MRPL37: variants seen among roughly 807,000 people sequenced by gnomAD.
MRPL37 encodes mitochondrial ribosomal protein L37, also known as large ribosomal subunit protein mL37.
A neutral mutation model predicts 44.1 loss-of-function variants in MRPL37; 34 were observed. The observed-to-expected ratio is 0.77, with a 90% confidence interval of 0.59 to 1.03. The LOEUF is 1.03. Ranked by LOEUF, MRPL37 falls within the 50% of genes least tolerant of loss-of-function variation. MRPL37 has a pLI of 0.00. For synonymous variants in MRPL37, 212 were observed against 219.5 expected (o/e 0.97, Z 0.30); for missense variants, 532 against 543.7 (o/e 0.98, Z 0.21).
At chr1:54,221,046 C>T (rs1267374184), downstream of MRPL37, 3 of 353,142 alleles carry the variant, frequency 8.5e-6, no homozygotes, top group East Asian at 7.8e-5. Context: ...TCCACTTCCT[C>T]GCTGGCAAAA....
rs193102610 is a variant in MRPL37, at chr1:54,216,749, C to G, written c.1194+405C>G. On this transcript the variant is annotated intron_variant, in intron 6 of 6. Coordinates refer to ENST00000360840, the MANE Select transcript of MRPL37 (RefSeq NM_016491.4). ...TTTCTTATTTTGGGAAACTTCTGACCACCACCGTCCCCATCCCAACCCTCA... is the reference window on the plus strand; with the variant it reads ...TTTCTTATTTTGGGAAACTTCTGACGACCACCGTCCCCATCCCAACCCTCA... Among the ~76,000 whole-genome samples, 72 of 152,270 alleles carry G rather than the reference C, an allele frequency of 4.7e-4. 1 individual carries two copies. The highest frequency in any genetic ancestry group is 1.7e-3 in the African/African-American group (71 of 41,534).
chr1:54,212,802 T>C, intron 5 of MRPL37, 144 bp downstream of exon 5: 1 of 1,155,176 alleles, frequency 8.7e-7, no homozygotes, highest in Non-Finnish European at 1.2e-6. Flanking sequence ...CAGCCCACCC[T>C]GTGGAGATGA....
chr1:54,214,972 T>G lies in MRPL37; in HGVS notation c.991-1169T>G, dbSNP rs530259193. On this transcript the variant is annotated intron_variant, in intron 5 of 6. Coordinates refer to ENST00000360840, the MANE Select transcript of MRPL37 (RefSeq NM_016491.4). ...TGTGGCCCACACTGAGGTCTGACAT[T>G]AGGTATTCCTAATGCCAGATTCAGC... 6.6e-5 allele frequency among the ~76,000 whole-genome samples: 10 copies of G among 152,262 alleles called. No homozygotes were observed. The South Asian group carries it at 8.3e-4, about 13-fold the overall frequency.
chr1:54,219,352 C>T (rs944266664), downstream of MRPL37, among the ~76,000 whole-genome samples: 10 of 152,220 alleles, frequency 6.6e-5, no homozygotes, highest in African/African-American at 2.4e-4. Context: ...GGCAAAGTGG[C>T]GTCCAGCCTG....
rs545055756 is a variant in MRPL37 at position 54,214,120 on chromosome 1, C to T, written c.990+1462C>T. Among the ~76,000 whole-genome samples the T allele has an allele frequency of 7.2e-5, 11 of 152,260 alleles. No homozygotes were observed. In the East Asian group the frequency reaches 2.1e-3, roughly 29 times the overall value. The stretch of plus-strand genomic sequence containing the variant: ...GTTGCTTTAACCCAGGAGGCGGAGG[C>T]TGCAGTGAGCTGAAAGATTGCACCA... On this transcript the variant is annotated intron_variant, in intron 5 of 6. Coordinates refer to ENST00000360840, the MANE Select transcript of MRPL37 (RefSeq NM_016491.4).
At chr1:54,208,408 G>A (rs887975399) in intron 3 of MRPL37, among the ~76,000 whole-genome samples, 1 of 152,032 alleles carries the variant, frequency 6.6e-6, no homozygotes, top group African/African-American at 2.4e-5. Context: ...AATTAGCCGG[G>A]CATGGTGATG....
chr1:54,211,807 C>A (rs1644167506), intron 4 of MRPL37, among the ~76,000 whole-genome samples: 1 of 152,198 alleles, frequency 6.6e-6, no homozygotes, highest in Non-Finnish European at 1.5e-5. Flanking sequence ...CGACGTCTTT[C>A]TTTCTTCTTT....
At chr1:54,220,062 T>G (rs1644222544), downstream of MRPL37, among the ~76,000 whole-genome samples, 1 of 143,116 alleles carries the variant, frequency 7.0e-6, no homozygotes, top group South Asian at 2.2e-4. Context: ...GAGTCAAACG[T>G]TTTTTTTTTT....
In MRPL37 at chr1:54,210,115, T is replaced by C. The variant is rs988548513; in HGVS notation, c.816T>C (p.Asp272=). 1.9e-6 allele frequency: 3 copies of C among 1,613,802 alleles called. No homozygotes were observed. The highest frequency in any genetic ancestry group is 2.5e-6 in the Non-Finnish European group (3 of 1,179,880). The part of the protein sequence containing the change: ...IIDLHECNIY[D]VKNDTGFQEG... ...ATCTTCATGAATGCAATATTTATGA[T>C]GTGAAAAATGACACAGGTAAGGATC... is the stretch of plus-strand genomic sequence containing the variant. The change falls in exon 4 of 7, where the codon GAT becomes GAC. Residue 272 remains aspartate (D), a synonymous_variant. Coordinates refer to ENST00000360840, the MANE Select transcript of MRPL37 (RefSeq NM_016491.4).
chr1:54,205,491 C>A, intron 3 of MRPL37, 81 bp downstream of exon 3: 2 of 1,170,098 alleles, frequency 1.7e-6, no homozygotes, highest in South Asian at 2.7e-5. Flanking sequence ...GCTCCCATCC[C>A]CCTGCCCCCA....
downstream of MRPL37, among the ~76,000 whole-genome samples, chr1:54,220,447 T>C (rs1382045725): frequency 6.6e-6 from 1 of 152,292 alleles, no homozygotes; most frequent in South Asian, 2.1e-4. Flanking sequence ...TACACTTTTG[T>C]GTCAAGGGAG....
At chr1:54,202,976 A>G (rs1209675997) in intron 1 of MRPL37, among the ~76,000 whole-genome samples, 1 of 152,190 alleles carries the variant, frequency 6.6e-6, no homozygotes, top group Non-Finnish European at 1.5e-5. Context: ...TTGATCCAGA[A>G]CTTAGATACC....
At chr1:54,225,073 G>T, downstream of MRPL37, 1 of 1,233,326 alleles carries the variant, frequency 8.1e-7, no homozygotes, top group South Asian at 4.1e-5. Flanking sequence ...GGCCGATAGC[G>T]ACTCCCCATA....
intron 4 of MRPL37, among the ~76,000 whole-genome samples, chr1:54,212,224 G>A (rs1644170288): frequency 6.6e-6 from 1 of 152,274 alleles, no homozygotes; most frequent in Admixed American, 6.5e-5. Context: ...GGTGTTACAG[G>A]CCACATATGG....
intron 1 of MRPL37, 29 bp from the exon 2 acceptor site, chr1:54,204,989 C>T (rs1260541472): frequency 6.6e-7 from 1 of 1,514,608 alleles, no homozygotes; most frequent in South Asian, 1.1e-5. Context: ...TTCTTTCCTT[C>T]TTTATTTTTG....
At chr1:54,208,442 G>A (rs370088731) in intron 3 of MRPL37, among the ~76,000 whole-genome samples, 3 of 151,516 alleles carry the variant, frequency 2.0e-5, no homozygotes, top group African/African-American at 7.3e-5. Flanking sequence ...CCAGCTACTC[G>A]GGAGGCTGAG....
At chr1:54,206,143 C>G (rs952742098) in intron 3 of MRPL37, among the ~76,000 whole-genome samples, 3 of 152,114 alleles carry the variant, frequency 2.0e-5, no homozygotes, top group Middle Eastern at 3.4e-3. Context: ...GACGGAGTCT[C>G]GCTCTGTCAC....
At chr1:54,210,431 C>G (rs1170213359) in intron 4 of MRPL37, among the ~76,000 whole-genome samples, 1 of 151,702 alleles carries the variant, frequency 6.6e-6, no homozygotes, top group African/African-American at 2.4e-5. Context: ...CTTCAGCAAA[C>G]TGTATCATTG....
intron 4 of MRPL37, 140 bp from the exon 5 acceptor site, chr1:54,212,361 C>T (rs898682918): frequency 3.5e-5 from 36 of 1,039,802 alleles, no homozygotes; most frequent in Non-Finnish European, 3.6e-5. Context: ...TGCCAGCCCC[C>T]GAGCTATAGT....
Sources: allele counts gnomAD v4.1 joint callset (sites outside exome capture counted in the v4.1 genomes callset), GRCh38; gene constraint gnomAD v4.1.1; transcripts MANE v1.5; gene names NCBI Gene and HGNC (gene_info 2026-07-23, HGNC 2026-07-21).